Variants in GAS2 observed in about 807,000 individuals in gnomAD.
The protein encoded by GAS2 is growth arrest specific 2.
Under a neutral mutation model 37.5 loss-of-function variants are expected in GAS2, and 20 were observed. That is an observed-to-expected ratio of 0.53 (90% CI 0.37 to 0.77). The LOEUF (loss-of-function observed/expected upper bound fraction) is 0.77, where lower values mean the gene tolerates loss of function less well. Among genes scored for constraint, GAS2 ranks in the 30% least tolerant of loss-of-function variants. The pLI, the probability that GAS2 is intolerant of heterozygous loss-of-function variation, is 0.00. For missense variants in GAS2, 336 were observed against 373.4 expected, an observed-to-expected ratio of 0.90 and a Z score of 0.82; for synonymous variants, 144 against 132.2, an observed-to-expected ratio of 1.09 and a Z score of -0.61.
chr11:22,780,749 G>T (rs188340459), intron 7 of GAS2, among the ~76,000 whole-genome samples: 7 of 150,350 alleles, frequency 4.7e-5, no homozygotes, highest in Admixed American at 1.3e-4. Flanking sequence ...CTGGTGGTAG[G>T]TCTCAGACAC....
In GAS2 at chr11:22,715,479, A is replaced by AAAAAAG. The variant is rs1554973679; in HGVS notation, c.268-10809_268-10808insAGAAAA. Among the ~76,000 whole-genome samples, 147 of 145,824 alleles carry AAAAAAG rather than the reference A, an allele frequency of 1.0e-3. 1 individual carries two copies. Among genetic ancestry groups the AAAAAAG allele is most frequent in the African/African-American group, 3.3e-3 (132 of 40,222 alleles). On this transcript the variant is annotated intron_variant, in intron 3 of 7. Transcript: ENST00000454584. ...CTGTCTCAAAAAAAAAAAAAAAAAAAAAAAGAAAAGAAAAGAAAAGAAACA... is the reference window on the plus strand; with the variant it reads ...CTGTCTCAAAAAAAAAAAAAAAAAAAAAAAAGAAAAGAAAAGAAAAGAAAAGAAACA...
intron 3 of GAS2, among the ~76,000 whole-genome samples, chr11:22,704,783 G>A (rs1851027540): frequency 6.6e-6 from 1 of 151,578 alleles, no homozygotes; most frequent in Non-Finnish European, 1.5e-5. Flanking sequence ...ATTAACACAG[G>A]AGAGATTAAT....
intron 1 of GAS2, among the ~76,000 whole-genome samples, chr11:22,640,552 A>C (rs1858896866): frequency 6.6e-6 from 1 of 152,162 alleles, no homozygotes; most frequent in Admixed American, 6.6e-5. Context: ...CAAGCATATA[A>C]AGAGAACTTA....
chr11:22,643,648 C>G (rs774528066), intron 1 of GAS2, among the ~76,000 whole-genome samples: 11 of 151,698 alleles, frequency 7.3e-5, no homozygotes, highest in Non-Finnish European at 1.3e-4. Flanking sequence ...TTATTTTTAA[C>G]AGTTCATTTT....
chr11:22,809,347 A>G (rs868262157), intron 7 of GAS2, among the ~76,000 whole-genome samples: 1 of 152,144 alleles, frequency 6.6e-6, no homozygotes. Context: ...AGGGAGGGGC[A>G]AGGAGTCTGG....
At chr11:22,715,041 A>G (rs1851596365) in intron 3 of GAS2, among the ~76,000 whole-genome samples, 1 of 152,198 alleles carries the variant, frequency 6.6e-6, no homozygotes, top group Admixed American at 6.5e-5. Context: ...AATTGAAACA[A>G]TGACAAAAAA....
intron 1 of GAS2, among the ~76,000 whole-genome samples, chr11:22,635,005 TG>T (rs1858802210): frequency 6.6e-6 from 1 of 152,166 alleles, no homozygotes; most frequent in African/African-American, 2.4e-5. Context: ...TGTGTTTTTG[TG>T]CCAACAGATG....
At chr11:22,652,993 G>GTCTTTTTTTCTTTCTT (rs1554965876) in intron 1 of GAS2, among the ~76,000 whole-genome samples, 23 of 97,036 alleles carry the variant, frequency 2.4e-4, no homozygotes, top group Non-Finnish European at 4.1e-4. Flanking sequence ...TTCTTTCTTT[G>GTCTTTTTTTCTTTCTT]TCTTTCTTTC....
chr11:22,758,534 T>G (rs1223449699), intron 7 of GAS2, among the ~76,000 whole-genome samples: 2 of 152,026 alleles, frequency 1.3e-5, no homozygotes, highest in Non-Finnish European at 2.9e-5. Context: ...CAATTCAGGG[T>G]CACTTAAGGC....
At chr11:22,649,050 G>C (rs1156648927) in intron 1 of GAS2, among the ~76,000 whole-genome samples, 1 of 152,128 alleles carries the variant, frequency 6.6e-6, no homozygotes, top group African/African-American at 2.4e-5. Context: ...ATTGGCTGTG[G>C]GTTTGTCACA....
At chr11:22,688,463 T>C (rs1850076667) in intron 3 of GAS2, 1 of 152,178 alleles carries the variant, frequency 6.6e-6, no homozygotes, top group South Asian at 2.1e-4. Context: ...TATAAATGTT[T>C]GTATTTAGCA....
chr11:22,734,725 T>A (rs1184834491), intron 4 of GAS2, among the ~76,000 whole-genome samples: 1 of 151,778 alleles, frequency 6.6e-6, no homozygotes, highest in Admixed American at 6.6e-5. Flanking sequence ...GCACTATTGT[T>A]TTCCTGCAGA....
intron 1 of GAS2, among the ~76,000 whole-genome samples, chr11:22,644,194 C>A (rs1332467564): frequency 6.6e-6 from 1 of 151,862 alleles, no homozygotes. Flanking sequence ...CAGGAAATTT[C>A]TTTTTTTTAA....
At position 22,726,227 on chromosome 11, in the gene GAS2, T is replaced by G. The variant is rs553123482; in HGVS notation, c.268-65T>G. On this transcript the variant is annotated intron_variant, in intron 3 of 7. Coordinates refer to ENST00000454584, the MANE Select transcript of GAS2 (RefSeq NM_001143830.3). ...TCCGAAGCATTTTGTTGAAAACATG[T>G]TTTTAAAACATCATTGTGCTAACTT... is the stretch of plus-strand genomic sequence containing the variant. The G allele has an allele frequency of 1.7e-5, 25 of 1,510,482 alleles. No individual in the cohort carries two copies. In the Admixed American group the frequency reaches 4.2e-4, roughly 26 times the overall value. 93.6% of individuals were successfully genotyped at this position (1,510,482 alleles called of 1,614,324 possible). A position where few individuals can be genotyped will look rare whatever the true frequency, so the allele number is the denominator to read the frequency against.
chr11:22,783,456 A>G (rs1225853396), intron 7 of GAS2, among the ~76,000 whole-genome samples: 1 of 152,058 alleles, frequency 6.6e-6, no homozygotes, highest in Non-Finnish European at 1.5e-5. Context: ...ATTTGGTTCC[A>G]CTTATCAATT....
intron 5 of GAS2, 24 bp downstream of exon 5, chr11:22,737,792 G>C: frequency 6.2e-7 from 1 of 1,608,340 alleles, no homozygotes; most frequent in Non-Finnish European, 8.5e-7. Flanking sequence ...CTGCAACTAT[G>C]TCAAGACATT....
At chr11:22,686,840 G>A (rs1416785526) in intron 3 of GAS2, among the ~76,000 whole-genome samples, 2 of 151,886 alleles carry the variant, frequency 1.3e-5, no homozygotes, top group Non-Finnish European at 1.5e-5. Flanking sequence ...AAAATAAAAG[G>A]GGTGTATGTG....
In GAS2 at chr11:22,674,761, G is replaced by A. The variant is rs914507402; in HGVS notation, c.-20-89G>A. ...AAACTGAACTGTCATCAGAAAACCCGCGGATCCAGTTCATTATAATGTCAT... is the reference window on the plus strand; with the variant it reads ...AAACTGAACTGTCATCAGAAAACCCACGGATCCAGTTCATTATAATGTCAT... On this transcript the variant is annotated intron_variant, in intron 1 of 7. Transcript: ENST00000454584. 126 of 968,986 alleles carry A rather than the reference G, an allele frequency of 1.3e-4. 1 individual carries two copies. The highest frequency in any genetic ancestry group is 6.1e-4 in the South Asian group (31 of 50,752). The allele number at this position is 968,986 out of a possible 1,614,324, so 60.0% of individuals were successfully genotyped here. A position where few individuals can be genotyped will look rare whatever the true frequency, so the allele number is the denominator to read the frequency against.
At chr11:22,810,224 A>AG (rs1188848175) in intron 7 of GAS2, among the ~76,000 whole-genome samples, 3 of 152,198 alleles carry the variant, frequency 2.0e-5, no homozygotes, top group African/African-American at 7.2e-5. Flanking sequence ...AACAGGAATT[A>AG]GGGAAGGGTA....
Sources: allele counts gnomAD v4.1 joint callset (sites outside exome capture counted in the v4.1 genomes callset), GRCh38; gene constraint gnomAD v4.1.1; transcripts MANE v1.5; gene names NCBI Gene and HGNC (gene_info 2026-07-23, HGNC 2026-07-21).